The following TRPM6 variants were observed in gnomAD, a reference collection of about 807,000 sequenced individuals.
TRPM6 encodes the protein channel kinase 2.
TRPM6 carries 111 observed loss-of-function variants against 247.6 expected under a neutral mutation model. The observed-to-expected ratio is 0.45, with a 90% confidence interval of 0.38 to 0.52. TRPM6 has a LOEUF of 0.52. TRPM6 is among the 20% of genes least tolerant of loss of function. The pLI, the probability that TRPM6 is intolerant of heterozygous loss-of-function variation, is 0.00. For missense variants in TRPM6, 2,126 were observed against 2,421.5 expected (o/e 0.88, Z 2.56); for synonymous variants, 892 against 853.8 (o/e 1.04, Z -0.78).
chr9:74,813,232 T>C (rs1055175990), intron 11 of TRPM6, among the ~76,000 whole-genome samples: 1 of 152,094 alleles, frequency 6.6e-6, no homozygotes, highest in Non-Finnish European at 1.5e-5. Flanking sequence ...ACAAAATAAA[T>C]CTACAAGGAC....
Position 74,803,894 on chromosome 9 carries a change from A to G in TRPM6, c.1639-8T>C. 6.3e-6 allele frequency: 10 copies of G among 1,598,110 alleles called. No homozygotes were observed. In the South Asian group the frequency reaches 1.1e-4, roughly 18 times the overall value. Reference sequence around the variant, plus strand: ...TGAGGAGTGTCTCTGGTGCTGGGAAAGGTTTTGAACAAAGCTGGTCACTCT... The same window carrying G: ...TGAGGAGTGTCTCTGGTGCTGGGAAGGGTTTTGAACAAAGCTGGTCACTCT... On this transcript the variant is annotated splice_polypyrimidine_tract_variant and splice_region_variant and intron_variant, in intron 14 of 38. Transcript: ENST00000360774.
At chr9:74,879,119 A>G (rs1263418762) in intron 1 of TRPM6, among the ~76,000 whole-genome samples, 3 of 152,068 alleles carry the variant, frequency 2.0e-5, no homozygotes, top group African/African-American at 4.8e-5. Context: ...GACAAAAGAC[A>G]TAAATATCAT....
At chr9:74,879,306 T>A (rs914685509) in intron 1 of TRPM6, among the ~76,000 whole-genome samples, 12 of 150,174 alleles carry the variant, frequency 8.0e-5, no homozygotes, top group Non-Finnish European at 3.0e-5. Context: ...TATATTTGTA[T>A]ATGATTTATA....
chr9:74,731,695 C>A (rs576734424), intron 37 of TRPM6, among the ~76,000 whole-genome samples: 1 of 148,210 alleles, frequency 6.7e-6, no homozygotes, highest in African/African-American at 2.5e-5. Flanking sequence ...TGTAGTTATA[C>A]ATATAATATA....
chr9:74,807,732 C>T (rs1190727713), intron 14 of TRPM6, among the ~76,000 whole-genome samples: 3 of 152,102 alleles, frequency 2.0e-5, no homozygotes, highest in Admixed American at 2.0e-4. Flanking sequence ...AGTCATCTCT[C>T]CCTCTAACCT....
intron 7 of TRPM6, among the ~76,000 whole-genome samples, chr9:74,825,835 T>C (rs1829312472): frequency 6.6e-6 from 1 of 152,106 alleles, no homozygotes; most frequent in Admixed American, 6.6e-5. Context: ...TTCAGGCCCC[T>C]AATGGATCCC....
At chr9:74,873,779 C>A (rs1343389298) in intron 1 of TRPM6, among the ~76,000 whole-genome samples, 2 of 151,546 alleles carry the variant, frequency 1.3e-5, no homozygotes, top group Non-Finnish European at 2.9e-5. Context: ...AGAAAAAAAT[C>A]TTTTAATTTA....
Position 74,821,811 on chromosome 9 carries a change from C to T in TRPM6, c.868G>A (p.Gly290Arg), listed in dbSNP as rs144129718. 1 of 1,614,156 alleles carries T rather than the reference C, an allele frequency of 6.2e-7. No homozygotes were observed. Among genetic ancestry groups the T allele is most frequent in the Non-Finnish European group, 8.5e-7 (1 of 1,180,034 alleles). ...CRSRQGVPVV[G>R]LVVEGGPNVI... Reference sequence around the variant, plus strand: ...TTGGGACCGCCTTCCACCACCAGCCCCACGACCGGCACGCCTTGTCTTGAG... The same window carrying T: ...TTGGGACCGCCTTCCACCACCAGCCTCACGACCGGCACGCCTTGTCTTGAG... The change falls in exon 8 of 39, where the codon GGG becomes AGG. Residue 290 changes from glycine (G) to arginine (R), a missense_variant. Physicochemically the swap from Gly to Arg is moderately radical, Grantham distance 125. This residue lies in a region of TRPM6 where 1,082 missense variants were observed against 1,307.9 expected (regional missense o/e 0.83). Transcript: ENST00000360774.
At chr9:74,753,235 A>T (rs1248045661) in intron 28 of TRPM6, among the ~76,000 whole-genome samples, 6 of 152,114 alleles carry the variant, frequency 3.9e-5, no homozygotes, top group African/African-American at 7.2e-5. Context: ...CTACAGAGTT[A>T]CTACATATAG....
chr9:74,820,155 C>G, intron 9 of TRPM6, 149 bp downstream of exon 9: 2 of 819,926 alleles, frequency 2.4e-6, no homozygotes, highest in Non-Finnish European at 4.0e-6. Flanking sequence ...TCCTGATTTT[C>G]TCCCTCCCCC....
At chr9:74,807,244 C>T (rs1235629502) in intron 14 of TRPM6, among the ~76,000 whole-genome samples, 2 of 152,154 alleles carry the variant, frequency 1.3e-5, no homozygotes, top group African/African-American at 2.4e-5. Context: ...CCTTTCCAGT[C>T]TCCTCCCTTA....
chr9:74,731,844 C>T (rs970728645), intron 37 of TRPM6, among the ~76,000 whole-genome samples: 1 of 152,126 alleles, frequency 6.6e-6, no homozygotes, highest in Middle Eastern at 3.4e-3. Flanking sequence ...TCCCTGGGAA[C>T]TTGTAAGAAA....
At chr9:74,805,024 T>G (rs530785614) in intron 14 of TRPM6, among the ~76,000 whole-genome samples, 1 of 152,302 alleles carries the variant, frequency 6.6e-6, no homozygotes, top group East Asian at 1.9e-4. Context: ...TAATTTTACA[T>G]TAGCTGTAAC....
intron 29 of TRPM6, 55 bp from the exon 30 acceptor site, chr9:74,750,777 T>C: frequency 6.6e-7 from 1 of 1,504,946 alleles, no homozygotes; most frequent in Non-Finnish European, 9.3e-7. Context: ...CCACCCCAAG[T>C]TTCTAGGAAT....
intron 19 of TRPM6, 64 bp from the exon 20 acceptor site, chr9:74,788,806 C>T (rs766222833): frequency 1.3e-4 from 209 of 1,592,904 alleles, no homozygotes; most frequent in Non-Finnish European, 1.7e-4. Flanking sequence ...GCCAAGGAGA[C>T]GCAGATGGAG....
chr9:74,879,012 T>C (rs1040582187), intron 1 of TRPM6, among the ~76,000 whole-genome samples: 2 of 151,998 alleles, frequency 1.3e-5, no homozygotes, highest in African/African-American at 4.8e-5. Context: ...TCTTTTTAAT[T>C]TTAAAAAAGT....
intron 12 of TRPM6, 45 bp downstream of exon 12, chr9:74,812,254 T>C (rs1201856816): frequency 1.1e-5 from 18 of 1,611,320 alleles, no homozygotes; most frequent in Non-Finnish European, 1.4e-5. Context: ...TCCTTGCTCT[T>C]CTTGAATCTG....
intron 21 of TRPM6, 51 bp downstream of exon 21, chr9:74,785,823 A>G (rs1827639915): frequency 2.5e-6 from 4 of 1,609,764 alleles, no homozygotes; most frequent in Non-Finnish European, 3.4e-6. Flanking sequence ...ACACCTGGCT[A>G]AAAATAATTT....
intron 1 of TRPM6, among the ~76,000 whole-genome samples, chr9:74,866,227 ATGG>A (rs1830840144): frequency 6.6e-6 from 1 of 152,236 alleles, no homozygotes; most frequent in Non-Finnish European, 1.5e-5. Flanking sequence ...TATATAGACA[ATGG>A]AGATTATTTG....
Sources: gnomAD v4.1 joint callset for allele counts (sites outside exome capture counted in the v4.1 genomes callset) on GRCh38, gnomAD v4.1.1 for gene constraint, gnomAD v4.1.1 regional missense constraint, MANE v1.5 for transcripts, NCBI Gene and HGNC (gene_info 2026-07-23, HGNC 2026-07-21) for gene names.